Variants in RILPL1 observed in about 807,000 individuals in gnomAD.
The protein encoded by RILPL1 is RILP-like protein 1.
A neutral mutation model predicts 50.3 loss-of-function variants in RILPL1; 33 were observed. The ratio of observed to expected loss-of-function variants is 0.66; its 90% CI spans 0.50 to 0.88. The LOEUF (loss-of-function observed/expected upper bound fraction) is 0.88. Among genes scored for constraint, RILPL1 ranks in the 40% least tolerant of loss-of-function variants. The pLI is 0.00. For synonymous variants in RILPL1, 205 were observed against 228.6 expected (o/e 0.90, Z 0.93); for missense variants, 418 against 542.5 (o/e 0.77, Z 2.28).
chr12:123,493,260 T>TA (rs1882819362), intron 4 of RILPL1, among the ~76,000 whole-genome samples: 2 of 152,242 alleles, frequency 1.3e-5, no homozygotes, highest in Admixed American at 1.3e-4. Context: ...TATGCATATC[T>TA]AAAAGCACAG....
rs973683882 is a variant in RILPL1, at chr12:123,491,334, C to T, written c.802-5529G>A. Among the ~76,000 whole-genome samples, 5 of 152,164 alleles carry T rather than the reference C, an allele frequency of 3.3e-5. No individual in the cohort carries two copies. In the East Asian group the frequency reaches 9.6e-4, roughly 29 times the overall value. ...CTGATCCCTGGAGGTACTCTGGGCA[C>T]AGCTTCAGAGCGATACCCTGAGGCC... On this transcript the variant is annotated intron_variant, in intron 4 of 6. Transcript: ENST00000376874. This position sits in a 1 kb window ranked among gnomAD's most constrained non-coding sequence, Gnocchi z 4.0.
intron 6 of RILPL1, chr12:123,475,565 T>A: frequency 1.3e-6 from 1 of 765,936 alleles, no homozygotes. Context: ...CCATGCAGCT[T>A]AAGTGGCCAG....
intron 6 of RILPL1, among the ~76,000 whole-genome samples, chr12:123,477,195 A>AT (rs979028406): frequency 5.3e-5 from 8 of 152,160 alleles, no homozygotes; most frequent in East Asian, 1.9e-4. Context: ...AAAAGCTATA[A>AT]TTTTTTTAAA....
At chr12:123,510,365 G>T (rs994075848) in intron 2 of RILPL1, among the ~76,000 whole-genome samples, 1 of 150,928 alleles carries the variant, frequency 6.6e-6, no homozygotes, top group African/African-American at 2.4e-5. Context: ...TGGGGGGTGT[G>T]GTGTGTGTGT....
intron 6 of RILPL1, chr12:123,473,419 G>A (rs9803116): frequency 0.26 from 39,442 of 151,966 alleles, 5,803 homozygotes; most frequent in African/African-American, 0.4. Context: ...GGAGGCTGAG[G>A]CAGGAGAATC....
At chr12:123,473,022 A>G (rs1881309594) in intron 6 of RILPL1, 2 of 240,186 alleles carry the variant, frequency 8.3e-6, no homozygotes, top group Non-Finnish European at 1.7e-5. Flanking sequence ...GGTTTCTTTA[A>G]TTACCCTAAT....
chr12:123,505,160 C>A (rs1323595906), intron 2 of RILPL1, among the ~76,000 whole-genome samples: 1 of 152,212 alleles, frequency 6.6e-6, no homozygotes. Context: ...CCTGCCTCAG[C>A]CTCCTGAGTA....
intron 4 of RILPL1, among the ~76,000 whole-genome samples, chr12:123,495,521 T>C (rs1436678982): frequency 4.8e-4 from 64 of 132,436 alleles, no homozygotes; most frequent in East Asian, 2.5e-3. Context: ...ACTACAGGTG[T>C]CCACCACCAT....
rs1004925682 is a variant in RILPL1, at chr12:123,498,161, G to A, written c.801+383C>T. 6.6e-6 allele frequency among the ~76,000 whole-genome samples: 1 copy of A among 152,104 alleles called. No individual in the cohort carries two copies. The highest frequency in any genetic ancestry group is 2.4e-5 in the African/African-American group (1 of 41,422). On this transcript the variant is annotated intron_variant, in intron 4 of 6. Coordinates refer to ENST00000376874, the MANE Select transcript of RILPL1 (RefSeq NM_178314.5). The surrounding 1 kb of genome is among the most constrained non-coding windows in gnomAD (Gnocchi z 4.3). The stretch of plus-strand genomic sequence containing the variant: ...AGTCTGGGGTTCCAACCCCTCAGCT[G>A]TGTGTCCTCAGGCCAGTAGCTTGTT...
intron 4 of RILPL1, among the ~76,000 whole-genome samples, chr12:123,488,854 A>T (rs1262320416): frequency 6.6e-6 from 1 of 152,168 alleles, no homozygotes; most frequent in Non-Finnish European, 1.5e-5. Flanking sequence ...AAGGGGAGGA[A>T]ATGTTGGAGG....
Position 123,498,478 on chromosome 12 carries a change from G to A in RILPL1, c.801+66C>T. 2 of 1,447,712 alleles carry A rather than the reference G, an allele frequency of 1.4e-6. No individual in the cohort carries two copies. Among genetic ancestry groups the A allele is most frequent in the Non-Finnish European group, 1.9e-6 (2 of 1,038,540 alleles). 89.7% of individuals were successfully genotyped at this position (1,447,712 alleles called of 1,614,324 possible). A position where few individuals can be genotyped will look rare whatever the true frequency, so the allele number is the denominator to read the frequency against. Reference sequence around the variant, plus strand: ...ATAATGGGGAAAACAAGGCAACCCTGCCTGCCTTAAGCCAACCCCCAGACT... The same window carrying A: ...ATAATGGGGAAAACAAGGCAACCCTACCTGCCTTAAGCCAACCCCCAGACT... On this transcript the variant is annotated intron_variant, in intron 4 of 6. Transcript: ENST00000376874. The surrounding 1 kb of genome is among the most constrained non-coding windows in gnomAD (Gnocchi z 4.3).
intron 6 of RILPL1, chr12:123,475,595 AG>A: frequency 9.8e-7 from 1 of 1,022,916 alleles, no homozygotes; most frequent in South Asian, 1.4e-5. Context: ...GGTCAGCCCC[AG>A]CAGTAGCCGA....
chr12:123,523,865 C>T (rs1885156923), intron 1 of RILPL1, among the ~76,000 whole-genome samples: 1 of 152,372 alleles, frequency 6.6e-6, no homozygotes, highest in South Asian at 2.1e-4. Context: ...GCTGTTAGGA[C>T]CTGGCTCAGT....
intron 4 of RILPL1, among the ~76,000 whole-genome samples, chr12:123,497,516 G>T (rs1363910245): frequency 6.6e-6 from 1 of 152,068 alleles, no homozygotes; most frequent in Non-Finnish European, 1.5e-5. Context: ...AGCCTCCCAA[G>T]TAGCTGGGAT....
chr12:123,479,181 G>A (rs1881797380), intron 6 of RILPL1, among the ~76,000 whole-genome samples: 1 of 152,132 alleles, frequency 6.6e-6, no homozygotes, highest in Non-Finnish European at 1.5e-5. Flanking sequence ...TGATCTAAAT[G>A]TCAGTGGGCT....
chr12:123,472,357 C>G lies in RILPL1; in HGVS notation c.*181G>C, dbSNP rs28613273. On this transcript the variant is annotated 3_prime_UTR_variant, in exon 7 of 7. Transcript: ENST00000376874. ...TAGCCCTGGGTATAAATAAACATTTCTTTAGAGTTTGGCGTCAGTTTTTCA... is the reference window on the plus strand; with the variant it reads ...TAGCCCTGGGTATAAATAAACATTTGTTTAGAGTTTGGCGTCAGTTTTTCA... 0.017 allele frequency: 10,393 copies of G among 608,384 alleles called. 189 individuals carry two copies. Among genetic ancestry groups the G allele is most frequent in the Admixed American group, 0.058 (1,941 of 33,202 alleles). 37.7% of individuals were successfully genotyped at this position (608,384 alleles called of 1,614,324 possible).
In RILPL1 at chr12:123,523,617, C is replaced by T. The variant is rs1489676217; in HGVS notation, c.338G>A (p.Arg113Gln). The T allele has an allele frequency of 6.2e-7, 1 of 1,613,808 alleles. No homozygotes were observed. Among genetic ancestry groups the T allele is most frequent in the Non-Finnish European group, 8.5e-7 (1 of 1,179,858 alleles). The stretch of plus-strand genomic sequence containing the variant: ...GGAGAGGAGGTCCTGCGCCTCCCCT[C>T]GCCACACATCCTCCACCAGCTCCAG... The part of the protein sequence containing the change: ...KELELVEDVW[R>Q]GEAQDLLSQI... The change falls in exon 2 of 7, where the codon CGA becomes CAA. Residue 113 changes from arginine (R) to glutamine (Q), a missense_variant. Coordinates refer to ENST00000376874, the MANE Select transcript of RILPL1 (RefSeq NM_178314.5).
chr12:123,514,215 C>T (rs1373268435), intron 2 of RILPL1: 1 of 152,094 alleles, frequency 6.6e-6, no homozygotes, highest in Non-Finnish European at 1.5e-5. Flanking sequence ...CCCAAGGTTG[C>T]ATACAGTGTG....
chr12:123,523,215 C>T (rs28712858), intron 2 of RILPL1, among the ~76,000 whole-genome samples: 84,351 of 151,970 alleles, frequency 0.56, 25,434 homozygotes, highest in East Asian at 0.9. Flanking sequence ...GTCTCTGTCA[C>T]GTTTAACACA....
Sources: gnomAD v4.1 joint callset for allele counts (sites outside exome capture counted in the v4.1 genomes callset) on GRCh38, gnomAD v4.1.1 for gene constraint, Gnocchi (gnomAD v3.1) non-coding constraint, MANE v1.5 for transcripts, NCBI Gene and HGNC (gene_info 2026-07-23, HGNC 2026-07-21) for gene names.